Variants in COL24A1 observed in about 807,000 individuals in gnomAD.
The protein encoded by COL24A1 is collagen alpha-1(XXIV) chain.
Under a neutral mutation model 253.9 loss-of-function variants are expected in COL24A1, and 224 were observed. The ratio of observed to expected loss-of-function variants is 0.88; its 90% CI spans 0.79 to 0.99. The LOEUF is 0.99. COL24A1 is among the 50% of genes least tolerant of loss of function. The pLI is 0.00. For synonymous variants in COL24A1, 685 were observed against 673.7 expected (o/e 1.02, Z -0.26); for missense variants, 2,131 against 2,068.5 (o/e 1.03, Z -0.59).
At chr1:85,892,062 A>T (rs1386449881) in intron 31 of COL24A1, among the ~76,000 whole-genome samples, 1 of 152,138 alleles carries the variant, frequency 6.6e-6, no homozygotes, top group Non-Finnish European at 1.5e-5. Flanking sequence ...TTTGTTATAC[A>T]TTTATTATGA....
intron 1 of COL24A1, among the ~76,000 whole-genome samples, chr1:86,147,318 T>G (rs527303739): frequency 1.0e-3 from 155 of 152,354 alleles, no homozygotes; most frequent in African/African-American, 3.6e-3. Context: ...AACACAAATT[T>G]CATTTGTATT....
rs774502954 is a variant in COL24A1, at chr1:85,896,402, C to T, written c.2786G>A (p.Arg929Lys). Reference protein sequence around the residue: ...SQGPKGQRGSRGPDGLLGEQG... With the variant: ...SQGPKGQRGSKGPDGLLGEQG... ...TTCCCCTAAGAGACCATCTGGTCCT[C>T]TTGATCCCTAGAGGTGAAAAAAATA... Residue 929 changes from arginine (R) to lysine (K), a missense_variant, in exon 29 of 60, where the codon AGA becomes AAA. By Grantham distance (26) the Arg-to-Lys change is conservative (BLOSUM62 2). Coordinates refer to ENST00000370571, the MANE Select transcript of COL24A1 (RefSeq NM_152890.7). The T allele has an allele frequency of 6.2e-7, 1 of 1,612,938 alleles. No homozygotes were observed. The highest frequency in any genetic ancestry group is 8.5e-7 in the Non-Finnish European group (1 of 1,179,076).
intron 24 of COL24A1, among the ~76,000 whole-genome samples, chr1:85,925,659 T>C (rs996829485): frequency 1.3e-5 from 2 of 152,164 alleles, no homozygotes; most frequent in African/African-American, 2.4e-5. Flanking sequence ...TTACACCTTA[T>C]ACAAAAATTA....
At chr1:86,013,948 ACTC>A (rs1432848984) in intron 19 of COL24A1, among the ~76,000 whole-genome samples, 1 of 152,286 alleles carries the variant, frequency 6.6e-6, no homozygotes, top group East Asian at 1.9e-4. Context: ...TTTTCAAAGA[ACTC>A]CTGCAGCTCC....
intron 45 of COL24A1, among the ~76,000 whole-genome samples, chr1:85,821,752 C>T (rs993081339): frequency 1.3e-5 from 2 of 152,124 alleles, no homozygotes; most frequent in Non-Finnish European, 2.9e-5. Context: ...AGCTCCAACA[C>T]GCAGGGATTG....
intron 24 of COL24A1, among the ~76,000 whole-genome samples, chr1:85,912,940 T>C (rs1685516180): frequency 6.6e-6 from 1 of 152,242 alleles, no homozygotes; most frequent in Non-Finnish European, 1.5e-5. Context: ...GAAATATTAC[T>C]AAAATCAGTT....
chr1:85,796,721 C>G (rs1009552523), intron 47 of COL24A1, among the ~76,000 whole-genome samples: 1 of 152,032 alleles, frequency 6.6e-6, no homozygotes, highest in South Asian at 2.1e-4. Flanking sequence ...AAAGATGATA[C>G]CCAATAAATA....
At position 86,126,152 on chromosome 1, in the gene COL24A1, T is replaced by A; in HGVS notation, c.184A>T (p.Thr62Ser). 1.2e-6 allele frequency: 2 copies of A among 1,609,784 alleles called. No individual in the cohort carries two copies. Among genetic ancestry groups the A allele is most frequent in the Non-Finnish European group, 1.7e-6 (2 of 1,179,258 alleles). Reference sequence around the variant, plus strand: ...GGTGTAGATGCTGATGGTACAGCAGTCGCTGGTGATGAGTGTCTTACGTCT... The same window carrying A: ...GGTGTAGATGCTGATGGTACAGCAGACGCTGGTGATGAGTGTCTTACGTCT... Reference protein sequence around the residue: ...GKDVRHSSPATAVPSASTPLP... With the variant: ...GKDVRHSSPASAVPSASTPLP... The change falls in exon 3 of 60, where the codon ACT becomes TCT. Residue 62 changes from threonine to serine, a missense_variant. Coordinates refer to ENST00000370571, the MANE Select transcript of COL24A1 (RefSeq NM_152890.7).
intron 24 of COL24A1, among the ~76,000 whole-genome samples, chr1:85,948,146 TTGAC>T (rs1429121928): frequency 6.6e-6 from 1 of 152,210 alleles, no homozygotes; most frequent in South Asian, 2.1e-4. Context: ...AGAAGGCTTC[TTGAC>T]TATTTTAAAC....
At position 86,125,522 on chromosome 1, in the gene COL24A1, T is replaced by C; in HGVS notation, c.814A>G (p.Lys272Glu). Residue 272 changes from lysine to glutamate, a missense_variant, in exon 3 of 60, where the codon AAA becomes GAA. Lys to Glu is a moderately conservative substitution (Grantham distance 56, BLOSUM62 1). Coordinates refer to ENST00000370571, the MANE Select transcript of COL24A1 (RefSeq NM_152890.7). ...GACAGTACTTTTTCAGCAAATAGTT[T>C]GGGCGGGGGAGAGTGTTCCGGTATC... ...TKIPEHSPPP[K>E]LFAEKVLSED... 6 of 1,613,644 alleles carry C rather than the reference T, an allele frequency of 3.7e-6. No homozygotes were observed. The highest frequency in any genetic ancestry group is 5.1e-6 in the Non-Finnish European group (6 of 1,179,764).
intron 47 of COL24A1, among the ~76,000 whole-genome samples, chr1:85,793,535 TAGGATTC>T (rs1262546561): frequency 2.6e-5 from 4 of 152,100 alleles, no homozygotes; most frequent in Non-Finnish European, 5.9e-5. Flanking sequence ...GCTGTGGACT[TAGGATTC>T]AGGTGATGTA....
chr1:85,852,116 G>C (rs954201850), intron 37 of COL24A1, among the ~76,000 whole-genome samples: 2 of 151,928 alleles, frequency 1.3e-5, no homozygotes, highest in Admixed American at 6.6e-5. Flanking sequence ...GTGTGTGCGC[G>C]CACGTGCGCA....
At chr1:86,151,896 A>G (rs941442565) in intron 1 of COL24A1, among the ~76,000 whole-genome samples, 2 of 152,182 alleles carry the variant, frequency 1.3e-5, no homozygotes, top group Admixed American at 1.3e-4. Context: ...CTTCTTTTAA[A>G]CCAATTGAAA....
At chr1:85,968,031 G>C (rs1571405984) in intron 22 of COL24A1, among the ~76,000 whole-genome samples, 1 of 152,238 alleles carries the variant, frequency 6.6e-6, no homozygotes, top group Admixed American at 6.5e-5. Flanking sequence ...GTGAAAAGGA[G>C]AGACTGCCCT....
intron 59 of COL24A1, among the ~76,000 whole-genome samples, chr1:85,730,941 T>C (rs948056872): frequency 6.6e-6 from 1 of 152,238 alleles, no homozygotes; most frequent in Non-Finnish European, 1.5e-5. Flanking sequence ...GGCTTCTGCT[T>C]CAACTGTCTG....
rs374462788 is a variant in COL24A1, at chr1:85,833,730, C to T, written c.3681+4855G>A. ...TGGAACCAACCCAAATGTCCAACAA[C>T]GATAGACTGGATTAAGAAAATGTGG... On this transcript the variant is annotated intron_variant, in intron 43 of 59. Coordinates refer to ENST00000370571, the MANE Select transcript of COL24A1 (RefSeq NM_152890.7). Among the ~76,000 whole-genome samples the T allele has an allele frequency of 7.2e-5, 11 of 151,964 alleles. No homozygotes were observed. The South Asian group carries it at 8.3e-4, about 11-fold the overall frequency.
chr1:85,744,887 T>G lies in COL24A1; in HGVS notation c.4504-53A>C. The G allele has an allele frequency of 2.8e-6, 4 of 1,403,530 alleles. No homozygotes were observed. The South Asian group carries it at 4.9e-5, about 17-fold the overall frequency. 86.9% of individuals were successfully genotyped at this position (1,403,530 alleles called of 1,614,324 possible). A position where few individuals can be genotyped will look rare whatever the true frequency, so the allele number is the denominator to read the frequency against. On this transcript the variant is annotated intron_variant, in intron 56 of 59. Coordinates refer to ENST00000370571, the MANE Select transcript of COL24A1 (RefSeq NM_152890.7). ...AGCAAAAAAATCCTGAGGACCAACA[T>G]GGGCCAAGGCAGGAGAAGAATGTGT...
chr1:85,779,618 G>A (rs1204576812), intron 52 of COL24A1, among the ~76,000 whole-genome samples: 2 of 152,030 alleles, frequency 1.3e-5, no homozygotes, highest in Non-Finnish European at 2.9e-5. Context: ...AAAGTACTTT[G>A]GTTCAGGGTT....
intron 43 of COL24A1, among the ~76,000 whole-genome samples, chr1:85,830,660 ATTC>A (rs1422515957): frequency 2.0e-5 from 3 of 152,140 alleles, no homozygotes; most frequent in Non-Finnish European, 2.9e-5. Flanking sequence ...AAAGCGCAGT[ATTC>A]GGGTCAGAGT....
Sources: allele counts gnomAD v4.1 joint callset (sites outside exome capture counted in the v4.1 genomes callset), GRCh38; gene constraint gnomAD v4.1.1; transcripts MANE v1.5; gene names NCBI Gene and HGNC (gene_info 2026-07-23, HGNC 2026-07-21).